The following FN1 variants were observed in gnomAD, a reference collection of about 807,000 sequenced individuals.
FN1 encodes the protein fibronectin.
In FN1, 106 loss-of-function variants were observed where a neutral mutation model predicts 297.3. The ratio of observed to expected loss-of-function variants is 0.36; its 90% CI spans 0.30 to 0.42. The LOEUF (loss-of-function observed/expected upper bound fraction) is 0.42. Among genes scored for constraint, FN1 ranks in the 10% least tolerant of loss-of-function variants. FN1 has a pLI of 1.00. For missense variants in FN1, 2,690 were observed against 3,124.9 expected (o/e 0.86, Z 3.32); for synonymous variants, 1,149 against 1,152.6 (o/e 1.00, Z 0.06).
intron 20 of FN1, among the ~76,000 whole-genome samples, chr2:215,404,137 G>T (rs1404482094): frequency 6.6e-6 from 1 of 152,238 alleles, no homozygotes; most frequent in Non-Finnish European, 1.5e-5. Flanking sequence ...TCTGGCTTCA[G>T]AAAAATTCTC....
chr2:215,424,783 C>A (rs533118314), intron 7 of FN1, among the ~76,000 whole-genome samples: 7 of 152,242 alleles, frequency 4.6e-5, no homozygotes, highest in African/African-American at 1.4e-4. Flanking sequence ...GTTTACATCA[C>A]AAAGCTGCTG....
chr2:215,367,209 T>C (rs1268159723), intron 42 of FN1, among the ~76,000 whole-genome samples: 2 of 152,214 alleles, frequency 1.3e-5, no homozygotes, highest in African/African-American at 4.8e-5. Context: ...ATTCTAATCC[T>C]AATCTCAAAG....
Position 215,391,709 on chromosome 2 carries a change from C to T in FN1, c.4175G>A (p.Arg1392His), listed in dbSNP as rs745854917. ...PSIDLTNFLV[R>H]YSPVKNEEDV... is the part of the protein sequence containing the mutation. The stretch of plus-strand genomic sequence containing the variant: ...TTCCTCATTTTTCACAGGTGAGTAA[C>T]GCACCAGGAAGTTGGTTAAATCAAT... Residue 1392 changes from arginine to histidine, a missense_variant, in exon 26 of 46, where the codon CGT becomes CAT. Coordinates refer to ENST00000354785, the MANE Select transcript of FN1 (RefSeq NM_212482.4). The T allele has an allele frequency of 6.5e-5, 105 of 1,613,958 alleles. No individual in the cohort carries two copies. The highest frequency in any genetic ancestry group is 1.6e-4 in the Middle Eastern group (1 of 6,082).
rs1342384672 is a variant in FN1 at position 215,360,926 on chromosome 2, C to T, written c.*629G>A. ...CACAGTAGTAAAGCTTTGGCACATA[C>T]AGTATAAAAAATAATCACCCACCAT... On this transcript the variant is annotated 3_prime_UTR_variant, in exon 46 of 46. Transcript: ENST00000354785. The T allele has an allele frequency of 6.5e-6, 1 of 153,332 alleles. No homozygotes were observed. Among genetic ancestry groups the T allele is most frequent in the Non-Finnish European group, 1.5e-5 (1 of 68,576 alleles). The allele number at this position is 153,332 out of a possible 1,614,324, so 9.5% of individuals were successfully genotyped here.
chr2:215,376,341 A>G (rs143925171), intron 36 of FN1, among the ~76,000 whole-genome samples, 157 bp downstream of exon 36: 2 of 152,368 alleles, frequency 1.3e-5, no homozygotes, highest in East Asian at 3.9e-4. Flanking sequence ...GGACAAAACT[A>G]TTTCTGATCA....
rs757218192 is a variant in FN1, at chr2:215,406,528, A to G, written c.2714-18T>C. 37 of 1,612,714 alleles carry G rather than the reference A, an allele frequency of 2.3e-5. No individual in the cohort carries two copies. Among genetic ancestry groups the G allele is most frequent in the Non-Finnish European group, 3.1e-5 (36 of 1,179,650 alleles). ...CACTGTATCTGACAGACAAGAGTCA[A>G]CTGGTCATTCACATTCTCTGCTGAA... On this transcript the variant is annotated intron_variant, in intron 18 of 45. Transcript: ENST00000354785.
In FN1 at chr2:215,361,494, C is replaced by A. The variant is rs1158093685; in HGVS notation, c.*61G>T. 1 of 1,192,194 alleles carries A rather than the reference C, an allele frequency of 8.4e-7. No individual in the cohort carries two copies. Among genetic ancestry groups the A allele is most frequent in the Non-Finnish European group, 1.3e-6 (1 of 794,280 alleles). 73.9% of individuals were successfully genotyped at this position (1,192,194 alleles called of 1,614,324 possible). A position where few individuals can be genotyped will look rare whatever the true frequency, so the allele number is the denominator to read the frequency against. The stretch of plus-strand genomic sequence containing the variant: ...CTCTAAGCTGGGTCTGCTAACATCA[C>A]TCCAGTTTAGATGGATCTTGGCAGA... On this transcript the variant is annotated 3_prime_UTR_variant, in exon 46 of 46. Coordinates refer to ENST00000354785, the MANE Select transcript of FN1 (RefSeq NM_212482.4).
intron 42 of FN1, 54 bp from the exon 43 acceptor site, chr2:215,365,684 C>T: frequency 6.3e-7 from 1 of 1,586,770 alleles, no homozygotes. Context: ...TTCTGACTCA[C>T]AAGACAGTAG....
rs2057655126 is a variant in FN1 at position 215,378,201 on chromosome 2, G to A, written c.5684C>T (p.Ala1895Val). The part of the protein sequence containing the change: ...ALKDTLTSRP[A>V]QGVVTTLENV... ...CTCCAGAGTGGTGACAACTCCCTGA[G>A]CTGGTCTGCTTGTCAAAGTGTCCTT... The change falls in exon 35 of 46, where the codon GCT becomes GTT. Residue 1895 changes from alanine (A) to valine (V), a missense_variant. Coordinates refer to ENST00000354785, the MANE Select transcript of FN1 (RefSeq NM_212482.4). 5.6e-6 allele frequency: 9 copies of A among 1,610,316 alleles called. No individual in the cohort carries two copies. The highest frequency in any genetic ancestry group is 7.6e-6 in the Non-Finnish European group (9 of 1,176,978).
At chr2:215,434,991 T>G (rs2067213543) in intron 1 of FN1, among the ~76,000 whole-genome samples, 167 bp from the exon 2 acceptor site, 2 of 152,182 alleles carry the variant, frequency 1.3e-5, no homozygotes, top group South Asian at 4.1e-4. Context: ...CATAAAAAAG[T>G]TGGAAACATT....
intron 43 of FN1, 38 bp downstream of exon 43, chr2:215,365,467 G>A: frequency 6.2e-7 from 1 of 1,603,596 alleles, no homozygotes; most frequent in Non-Finnish European, 8.5e-7. Flanking sequence ...AAGTGAGAAT[G>A]CTTAATAAGG....
At position 215,375,305 on chromosome 2, in the gene FN1, G is replaced by A. The variant is rs144324514; in HGVS notation, c.6066C>T (p.Thr2022=). Residue 2022 remains threonine, a synonymous_variant, in exon 38 of 46, where the codon ACC becomes ACT. Coordinates refer to ENST00000354785, the MANE Select transcript of FN1 (RefSeq NM_212482.4). ...VSWQPPRARI[T]GYIIKYEKPG... Reference sequence around the variant, plus strand: ...GCTTCTCATACTTGATGATGTAGCCGGTAATCCTGGCACGTGGCGGCTGCC... The same window carrying A: ...GCTTCTCATACTTGATGATGTAGCCAGTAATCCTGGCACGTGGCGGCTGCC... The A allele has an allele frequency of 1.7e-5, 28 of 1,613,952 alleles. No homozygotes were observed. The highest frequency in any genetic ancestry group is 1.6e-4 in the Middle Eastern group (1 of 6,084).
At chr2:215,429,804 T>G (rs2066166187) in intron 5 of FN1, among the ~76,000 whole-genome samples, 1 of 152,254 alleles carries the variant, frequency 6.6e-6, no homozygotes, top group African/African-American at 2.4e-5. Flanking sequence ...TAAAATTTTC[T>G]GGAATAAATG....
intron 13 of FN1, among the ~76,000 whole-genome samples, chr2:215,412,957 G>A (rs1437259977): frequency 6.6e-6 from 1 of 151,928 alleles, no homozygotes; most frequent in African/African-American, 2.4e-5. Context: ...ATCGCATCAT[G>A]CATTAGAAAT....
intron 12 of FN1, among the ~76,000 whole-genome samples, chr2:215,418,319 G>A (rs1020160247): frequency 1.3e-4 from 20 of 152,204 alleles, no homozygotes; most frequent in African/African-American, 4.6e-4. Flanking sequence ...AGGAAATGGA[G>A]GAATGAGGCT....
chr2:215,375,750 T>A (rs779761531), intron 36 of FN1, 32 bp from the exon 37 acceptor site: 6 of 1,404,620 alleles, frequency 4.3e-6, no homozygotes, highest in Non-Finnish European at 6.1e-6. Flanking sequence ...TTTTTAACAG[T>A]TCTTGCTTTT....
chr2:215,371,665 T>G (rs930995371), intron 40 of FN1, among the ~76,000 whole-genome samples: 3 of 132,948 alleles, frequency 2.3e-5, no homozygotes, highest in East Asian at 2.2e-4. Flanking sequence ...GTTCTAAAAG[T>G]GGAGCCACTT....
At chr2:215,374,143 G>T (rs1257595477) in intron 38 of FN1, among the ~76,000 whole-genome samples, 2 of 152,178 alleles carry the variant, frequency 1.3e-5, no homozygotes, top group African/African-American at 4.8e-5. Flanking sequence ...CTCAGTGGCA[G>T]ATCAATGAAA....
At chr2:215,430,954 ATTTT>A in intron 4 of FN1, 102 bp from the exon 5 acceptor site, 2 of 1,266,656 alleles carry the variant, frequency 1.6e-6, no homozygotes, top group Non-Finnish European at 2.3e-6. Context: ...ATTCAGCCAC[ATTTT>A]TTTTAAGTGG....
Sources: allele counts gnomAD v4.1 joint callset (sites outside exome capture counted in the v4.1 genomes callset), GRCh38; gene constraint gnomAD v4.1.1; transcripts MANE v1.5; gene names NCBI Gene and HGNC (gene_info 2026-07-23, HGNC 2026-07-21).